Variants in EPB41L5 observed in about 807,000 individuals in gnomAD.
EPB41L5 encodes the protein erythrocyte membrane protein band 4.1 like 5.
Under a neutral mutation model 106.6 loss-of-function variants are expected in EPB41L5, and 55 were observed. That is an observed-to-expected ratio of 0.52 (90% confidence interval 0.42 to 0.65). EPB41L5 has a LOEUF of 0.65. EPB41L5 is among the 30% of genes least tolerant of loss of function. EPB41L5 has a pLI of 0.00. For synonymous variants in EPB41L5, 297 were observed against 306.7 expected (o/e 0.97, Z 0.33); for missense variants, 871 against 882.1 (o/e 0.99, Z 0.16).
At chr2:120,060,378 A>G (rs569672681) in intron 3 of EPB41L5, among the ~76,000 whole-genome samples, 1 of 152,346 alleles carries the variant, frequency 6.6e-6, no homozygotes. Flanking sequence ...GTCCTACAGT[A>G]AGTGAATGAT....
At chr2:120,014,043 C>G (rs1463083081) in intron 1 of EPB41L5, among the ~76,000 whole-genome samples, 1 of 152,134 alleles carries the variant, frequency 6.6e-6, no homozygotes, top group Non-Finnish European at 1.5e-5. Context: ...TATTCGAAAA[C>G]GATATGCGTA....
At chr2:120,163,305 C>T (rs923253562) in intron 21 of EPB41L5, among the ~76,000 whole-genome samples, 2 of 133,376 alleles carry the variant, frequency 1.5e-5, no homozygotes, top group Admixed American at 1.6e-4. Context: ...ATGAAGGGCT[C>T]TTTTTTGTTG....
At chr2:120,121,639 C>T (rs572395937) in intron 16 of EPB41L5, among the ~76,000 whole-genome samples, 50 of 152,186 alleles carry the variant, frequency 3.3e-4, no homozygotes, top group Non-Finnish European at 4.4e-4. Context: ...TTTGCTATTG[C>T]GATTAGTGCC....
intron 19 of EPB41L5, among the ~76,000 whole-genome samples, 170 bp downstream of exon 19, chr2:120,143,301 T>G (rs1185823774): frequency 2.0e-5 from 3 of 151,980 alleles, no homozygotes; most frequent in Non-Finnish European, 4.4e-5. Flanking sequence ...AAAGCCAAAT[T>G]TGTATAGAAG....
rs936638042 is a variant in EPB41L5 at position 120,091,810 on chromosome 2, G to C, written c.1150+149G>C. On this transcript the variant is annotated intron_variant, in intron 13 of 24. Transcript: ENST00000263713. ...CTTTTCTGGCAGAATCAATTTCATG[G>C]GATACACAGAGAAAAATTGCCTGTA... 9 of 622,664 alleles carry C rather than the reference G, an allele frequency of 1.4e-5. No homozygotes were observed. In the Admixed American group the frequency reaches 2.6e-4, roughly 18 times the overall value. The allele number at this position is 622,664 out of a possible 1,614,324, so 38.6% of individuals were successfully genotyped here.
chr2:120,108,991 A>T (rs913543364), intron 16 of EPB41L5, among the ~76,000 whole-genome samples: 18 of 152,182 alleles, frequency 1.2e-4, no homozygotes, highest in Non-Finnish European at 2.2e-4. Flanking sequence ...GGCCTGGGGC[A>T]TTTGTTGCAG....
rs1438372771 is a variant in EPB41L5, at chr2:120,074,178, G to A, written c.407G>A (p.Arg136Gln). Reference protein sequence around the residue: ...EPNNLREELTRYLFVLQLKQD... With the variant: ...EPNNLREELTQYLFVLQLKQD... ...AATAACCTTCGTGAGGAGCTAACCCGGTAAGAACACCATCTAGAATTGTGC... is the reference window on the plus strand; with the variant it reads ...AATAACCTTCGTGAGGAGCTAACCCAGTAAGAACACCATCTAGAATTGTGC... Residue 136 changes from arginine (R) to glutamine (Q), a missense_variant and splice_region_variant, in exon 5 of 25, where the codon CGG becomes CAG. Physicochemically the swap from Arg to Gln is conservative, Grantham distance 43. Transcript: ENST00000263713. 3.1e-6 allele frequency: 5 copies of A among 1,605,432 alleles called. No homozygotes were observed. Among genetic ancestry groups the A allele is most frequent in the Non-Finnish European group, 4.3e-6 (5 of 1,174,170 alleles).
At chr2:120,027,822 A>G (rs567019813) in intron 2 of EPB41L5, among the ~76,000 whole-genome samples, 2 of 152,332 alleles carry the variant, frequency 1.3e-5, no homozygotes, top group Non-Finnish European at 2.9e-5. Context: ...GGGTGAAGGT[A>G]TGTGACTTAC....
In EPB41L5 at chr2:120,067,044, A is replaced by G. The variant is rs926156291; in HGVS notation, c.286-6134A>G. Among the ~76,000 whole-genome samples, 5 of 152,324 alleles carry G rather than the reference A, an allele frequency of 3.3e-5. No individual in the cohort carries two copies. The South Asian group carries it at 8.3e-4, about 25-fold the overall frequency. On this transcript the variant is annotated intron_variant, in intron 3 of 24. Transcript: ENST00000263713. ...AGACCGGAGCTGTTCCTATTCGGCCATCTTGCCAGCCTAGATTGAAAGATT... is the reference window on the plus strand; with the variant it reads ...AGACCGGAGCTGTTCCTATTCGGCCGTCTTGCCAGCCTAGATTGAAAGATT...
intron 2 of EPB41L5, among the ~76,000 whole-genome samples, chr2:120,027,567 T>C (rs1010232604): frequency 1.3e-5 from 2 of 152,130 alleles, no homozygotes; most frequent in African/African-American, 4.8e-5. Context: ...ACAACTATAA[T>C]ATATGGACTT....
intron 2 of EPB41L5, among the ~76,000 whole-genome samples, chr2:120,020,278 T>C (rs1012136859): frequency 1.3e-5 from 2 of 152,218 alleles, no homozygotes; most frequent in African/African-American, 4.8e-5. Flanking sequence ...AATACATAAT[T>C]GAATAAGCTC....
intron 10 of EPB41L5, among the ~76,000 whole-genome samples, chr2:120,080,856 A>G (rs1395703138): frequency 6.6e-6 from 1 of 151,806 alleles, no homozygotes; most frequent in Non-Finnish European, 1.5e-5. Flanking sequence ...TCTGATGGCC[A>G]GTGATGATGA....
intron 3 of EPB41L5, among the ~76,000 whole-genome samples, chr2:120,067,756 T>A (rs937268596): frequency 9.2e-5 from 14 of 152,318 alleles, no homozygotes; most frequent in African/African-American, 3.4e-4. Context: ...TTGTAAAATT[T>A]GGGGGACATT....
intron 3 of EPB41L5, among the ~76,000 whole-genome samples, chr2:120,047,492 G>A (rs2105231002): frequency 6.6e-6 from 1 of 152,060 alleles, no homozygotes; most frequent in African/African-American, 2.4e-5. Context: ...GAATGCTTGT[G>A]ATTTTTGCAC....
intron 21 of EPB41L5, among the ~76,000 whole-genome samples, chr2:120,163,960 T>TTTTA (rs1553516048): frequency 2.3e-5 from 3 of 131,880 alleles, no homozygotes; most frequent in African/African-American, 5.6e-5. Context: ...AAACAACTTT[T>TTTTA]TTTTATTTTT....
At chr2:120,150,038 A>G (rs1013573556) in intron 20 of EPB41L5, among the ~76,000 whole-genome samples, 1 of 151,930 alleles carries the variant, frequency 6.6e-6, no homozygotes, top group African/African-American at 2.4e-5. Flanking sequence ...GACTACAGGC[A>G]CATGCCACCA....
intron 21 of EPB41L5, among the ~76,000 whole-genome samples, chr2:120,162,669 T>G (rs1687185358): frequency 6.6e-6 from 1 of 152,208 alleles, no homozygotes. Flanking sequence ...GTTCAAAGAT[T>G]TATTGCATAT....
At chr2:120,052,286 A>G (rs1680340119) in intron 3 of EPB41L5, among the ~76,000 whole-genome samples, 1 of 152,154 alleles carries the variant, frequency 6.6e-6, no homozygotes, top group Admixed American at 6.5e-5. Flanking sequence ...ATGTTCCCTT[A>G]TAAAGTAGAT....
intron 20 of EPB41L5, among the ~76,000 whole-genome samples, chr2:120,153,732 T>C (rs970926432): frequency 1.3e-5 from 2 of 152,232 alleles, no homozygotes; most frequent in African/African-American, 4.8e-5. Flanking sequence ...GAATCTTTTA[T>C]CAATGTATAA....
Sources: gnomAD v4.1 joint callset for allele counts (sites outside exome capture counted in the v4.1 genomes callset) on GRCh38, gnomAD v4.1.1 for gene constraint, MANE v1.5 for transcripts, NCBI Gene and HGNC (gene_info 2026-07-23, HGNC 2026-07-21) for gene names.